CELA2A: variants seen among roughly 807,000 people sequenced by gnomAD.
The protein encoded by CELA2A is chymotrypsin like elastase 2A.
A neutral mutation model predicts 35.3 loss-of-function variants in CELA2A; 31 were observed. That is an observed-to-expected ratio of 0.88 (90% CI 0.66 to 1.19). CELA2A has a LOEUF of 1.19. CELA2A is among the 50% of genes most tolerant of loss of function. The probability of loss-of-function intolerance (pLI) is 0.00; values close to 1 mark genes in which losing one functional copy is unlikely to be tolerated. For missense variants in CELA2A, 330 were observed against 352.9 expected, an observed-to-expected ratio of 0.94 and a Z score of 0.52; for synonymous variants, 150 against 149.8, an observed-to-expected ratio of 1.00 and a Z score of -0.01.
chr1:15,458,195 C>T (rs868188043), intron 2 of CELA2A, among the ~76,000 whole-genome samples: 1 of 152,044 alleles, frequency 6.6e-6, no homozygotes, highest in African/African-American at 2.4e-5. Flanking sequence ...AGCCATGCCC[C>T]ATATCTTATC....
chr1:15,465,198 G>T lies in CELA2A; in HGVS notation c.494-801G>T, dbSNP rs1032870972. 7.0e-4 allele frequency among the ~76,000 whole-genome samples: 107 copies of T among 151,806 alleles called. 1 individual carries two copies. Among genetic ancestry groups the T allele is most frequent in the African/African-American group, 2.4e-3 (101 of 41,400 alleles). On this transcript the variant is annotated intron_variant, in intron 5 of 7. Transcript: ENST00000359621. ...GGGTAATTTTTGTATTTTAGTAGAG[G>T]TGGGGTTTCACCATGTTGGCCAGGC...
At position 15,466,148 on chromosome 1, in the gene CELA2A, A is replaced by G. The variant is rs1398623935; in HGVS notation, c.639+4A>G. Reference sequence around the variant, plus strand: ...TGGCGTGATCTCCAGCTGCAACGTGAGTACCAAAATCAGGGGCTCCGCTCC... The same window carrying G: ...TGGCGTGATCTCCAGCTGCAACGTGGGTACCAAAATCAGGGGCTCCGCTCC... On this transcript the variant is annotated splice_donor_region_variant and intron_variant, in intron 6 of 7. Transcript: ENST00000359621. 1.2e-6 allele frequency: 2 copies of G among 1,613,402 alleles called. No individual in the cohort carries two copies. The highest frequency in any genetic ancestry group is 1.7e-6 in the Non-Finnish European group (2 of 1,179,588).
chr1:15,465,912 G>T, intron 5 of CELA2A, 87 bp from the exon 6 acceptor site: 1 of 1,492,878 alleles, frequency 6.7e-7, no homozygotes, highest in East Asian at 2.3e-5. Context: ...TGGAAGACAG[G>T]AACAGGGGAA....
Position 15,462,851 on chromosome 1 carries a change from A to G in CELA2A, c.346A>G (p.Ile116Val), listed in dbSNP as rs764883532. 1.4e-5 allele frequency: 23 copies of G among 1,614,004 alleles called. No individual in the cohort carries two copies. In the East Asian group the frequency reaches 4.5e-4, roughly 31 times the overall value. ...VVHKDWNSNQ[I>V]SKGNDIALLK... ...GCACAAGGACTGGAACTCCAACCAA[A>G]TCTCCAAAGGGTTCGTTTCTGTCTG... The change falls in exon 4 of 8, where the codon ATC becomes GTC. Residue 116 changes from isoleucine to valine, a missense_variant. Transcript: ENST00000359621.
In CELA2A at chr1:15,469,790, C is replaced by G. The variant is rs1259755574; in HGVS notation, c.793-2200C>G. On this transcript the variant is annotated intron_variant, in intron 7 of 7. Transcript: ENST00000359621. ...AGGCGCCACCCACATGTCAAAGGAG[C>G]CTGGCCTGAGACTGACTGGACGAGA... Among the ~76,000 whole-genome samples the G allele has an allele frequency of 5.3e-5, 8 of 152,274 alleles. No individual in the cohort carries two copies. In the East Asian group the frequency reaches 1.4e-3, roughly 26 times the overall value.
chr1:15,467,012 T>C (rs1390861781), intron 6 of CELA2A, among the ~76,000 whole-genome samples: 1 of 152,208 alleles, frequency 6.6e-6, no homozygotes, highest in Non-Finnish European at 1.5e-5. Flanking sequence ...GGGAAGAGCC[T>C]GGCAGCTGAA....
chr1:15,466,186 G>A, intron 6 of CELA2A, 42 bp downstream of exon 6: 1 of 1,608,220 alleles, frequency 6.2e-7, no homozygotes, highest in Non-Finnish European at 8.5e-7. Flanking sequence ...GACAAAATGT[G>A]GCTGGGGATA....
At chr1:15,461,861 C>G (rs745373650) in intron 3 of CELA2A, 36 of 725,010 alleles carry the variant, frequency 5.0e-5, no homozygotes, top group Admixed American at 1.6e-4. Flanking sequence ...AGTGTCTGTG[C>G]CAGGCAGGCA....
At chr1:15,469,716 T>C (rs1282140187) in intron 7 of CELA2A, among the ~76,000 whole-genome samples, 1 of 152,142 alleles carries the variant, frequency 6.6e-6, no homozygotes, top group Non-Finnish European at 1.5e-5. Context: ...TCATTAATGG[T>C]GCTTTTTTAT....
intron 2 of CELA2A, 84 bp from the exon 3 acceptor site, chr1:15,461,477 C>T (rs1321350001): frequency 5.4e-6 from 8 of 1,483,726 alleles, no homozygotes; most frequent in Non-Finnish European, 7.5e-6. Context: ...TTACCCTTGT[C>T]CCAGCCCCGT....
In CELA2A at chr1:15,462,621, C is replaced by G. The variant is rs1216267394; in HGVS notation, c.228-112C>G. ...GATTGTCCCAGGGGAGGAAAGATCC[C>G]CAAGTCCCATCTAGTGGCTCACGCA... On this transcript the variant is annotated intron_variant, in intron 3 of 7. Coordinates refer to ENST00000359621, the MANE Select transcript of CELA2A (RefSeq NM_033440.3). The G allele has an allele frequency of 1.5e-5, 20 of 1,357,896 alleles. No individual in the cohort carries two copies. In the Admixed American group the frequency reaches 3.6e-4, roughly 24 times the overall value. The allele number at this position is 1,357,896 out of a possible 1,614,324, so 84.1% of individuals were successfully genotyped here. A position where few individuals can be genotyped will look rare whatever the true frequency, so the allele number is the denominator to read the frequency against.
chr1:15,462,194 T>G (rs771284958), intron 3 of CELA2A: 6 of 469,898 alleles, frequency 1.3e-5, no homozygotes, highest in South Asian at 9.3e-5. Flanking sequence ...CAGCTGGAAC[T>G]CACCGGAGTT....
At position 15,461,588 on chromosome 1, in the gene CELA2A, A is replaced by C. The variant is rs150024502; in HGVS notation, c.157A>C (p.Lys53Gln). Residue 53 changes from lysine to glutamine, a missense_variant, in exon 3 of 8, where the codon AAG (lysine) becomes CAG (glutamine). Transcript: ENST00000359621. The stretch of plus-strand genomic sequence containing the variant: ...CTCCCTGCAGTACAGCTCCAATGGC[A>C]AGTGGTACCACACCTGCGGAGGGTC... Reference protein sequence around the residue: ...QVSLQYSSNGKWYHTCGGSLI... With the variant: ...QVSLQYSSNGQWYHTCGGSLI... 2.2e-4 allele frequency: 362 copies of C among 1,612,408 alleles called. 2 individuals carry two copies. The highest frequency in any genetic ancestry group is 6.5e-4 in the Middle Eastern group (3 of 4,650).
intron 5 of CELA2A, 36 bp downstream of exon 5, chr1:15,463,558 G>A (rs1447092215): frequency 1.2e-6 from 2 of 1,612,488 alleles, no homozygotes; most frequent in African/African-American, 1.3e-5. Flanking sequence ...GCCTGGGAGG[G>A]AAGGGAGGTG....
intron 5 of CELA2A, 82 bp downstream of exon 5, chr1:15,463,604 C>A: frequency 6.3e-7 from 1 of 1,596,168 alleles, no homozygotes; most frequent in South Asian, 1.1e-5. Flanking sequence ...GGCCTCTCAC[C>A]TGTCATCCCA....
rs766691898 is a variant in CELA2A at position 15,463,371 on chromosome 1, T to A, written c.357-15T>A. On this transcript the variant is annotated splice_polypyrimidine_tract_variant and intron_variant, in intron 4 of 7. Coordinates refer to ENST00000359621, the MANE Select transcript of CELA2A (RefSeq NM_033440.3). ...GTCAACCCGGTCCTCATGCTTCGCC[T>A]CCACACTCACCCAGGAACGACATTG... 3.5e-5 allele frequency: 56 copies of A among 1,613,314 alleles called. No individual in the cohort carries two copies. Among genetic ancestry groups the A allele is most frequent in the Non-Finnish European group, 4.7e-5 (55 of 1,179,850 alleles).
At chr1:15,457,662 A>C (rs1030659799) in intron 2 of CELA2A, 1 of 157,430 alleles carries the variant, frequency 6.4e-6, no homozygotes, top group African/African-American at 2.4e-5. Flanking sequence ...TTGGGAGTGG[A>C]GGGAGAGGTG....
intron 6 of CELA2A, among the ~76,000 whole-genome samples, chr1:15,466,978 A>G (rs1408282280): frequency 6.6e-6 from 1 of 152,100 alleles, no homozygotes; most frequent in East Asian, 1.9e-4. Flanking sequence ...CACATAGACC[A>G]CCCGCGGGAA....
chr1:15,462,699 A>T (rs749897239), intron 3 of CELA2A, 34 bp from the exon 4 acceptor site: 1 of 1,612,702 alleles, frequency 6.2e-7, no homozygotes, highest in South Asian at 1.1e-5. Context: ...AGGCCTCTGG[A>T]GGTGACCCTC....
Sources: allele counts gnomAD v4.1 joint callset (sites outside exome capture counted in the v4.1 genomes callset), GRCh38; gene constraint gnomAD v4.1.1; transcripts MANE v1.5; gene names NCBI Gene and HGNC (gene_info 2026-07-23, HGNC 2026-07-21).